Variants in ACSF3 observed in about 807,000 individuals in gnomAD.
The protein encoded by ACSF3 is malonate--CoA ligase ACSF3, mitochondrial.
In ACSF3, 78 loss-of-function variants were observed where a neutral mutation model predicts 53.2. The ratio of observed to expected loss-of-function variants is 1.47; its 90% CI spans 1.22 to 1.77. ACSF3 has a LOEUF of 1.77. ACSF3 is among the 40% of genes most tolerant of loss of function. ACSF3 has a pLI of 0.00. For synonymous variants in ACSF3, 414 were observed against 333.1 expected (o/e 1.24, Z -2.65); for missense variants, 937 against 771.1 (o/e 1.22, Z -2.55).
chr16:89,106,612 A>T (rs1405460304), intron 4 of ACSF3, among the ~76,000 whole-genome samples: 2 of 152,212 alleles, frequency 1.3e-5, no homozygotes, highest in African/African-American at 4.8e-5. Context: ...TATTTAAACA[A>T]ATTTGATGCT....
chr16:89,105,826 G>A (rs564972677), intron 4 of ACSF3, among the ~76,000 whole-genome samples: 3 of 152,094 alleles, frequency 2.0e-5, no homozygotes, highest in Admixed American at 1.3e-4. Context: ...TGGTTCCATC[G>A]TCCCGGAGGG....
chr16:89,123,447 G>A (rs537642511), intron 7 of ACSF3, among the ~76,000 whole-genome samples: 3 of 152,170 alleles, frequency 2.0e-5, no homozygotes, highest in South Asian at 2.1e-4. Context: ...CCCAGAACCC[G>A]AGGGTGCCCC....
chr16:89,123,782 A>G lies in ACSF3; in HGVS notation c.1239+2869A>G, dbSNP rs149184463. On this transcript the variant is annotated intron_variant, in intron 7 of 10. Transcript: ENST00000614302. ...CCTTCCCAGGATCATCCCCGGGGCC[A>G]GAGTATCTGGACCCTCCCCAGGTGG... Among the ~76,000 whole-genome samples, 770 of 152,268 alleles carry G rather than the reference A, an allele frequency of 5.1e-3. 10 individuals are homozygous for G. Among genetic ancestry groups the G allele is most frequent in the African/African-American group, 0.018 (729 of 41,542 alleles).
chr16:89,127,557 G>T (rs1908397363), intron 7 of ACSF3, among the ~76,000 whole-genome samples: 1 of 151,950 alleles, frequency 6.6e-6, no homozygotes, highest in Non-Finnish European at 1.5e-5. Context: ...GTAGAGTTGG[G>T]GGTCTCACTA....
chr16:89,111,545 G>A (rs1212502045), intron 4 of ACSF3, among the ~76,000 whole-genome samples: 3 of 152,376 alleles, frequency 2.0e-5, no homozygotes, highest in East Asian at 1.9e-4. Context: ...GAAGGAATGC[G>A]GCTCACCAGC....
intron 7 of ACSF3, among the ~76,000 whole-genome samples, chr16:89,123,718 C>T (rs887057233): frequency 3.3e-5 from 5 of 152,280 alleles, no homozygotes; most frequent in Admixed American, 3.3e-4. Context: ...ACAGAAAGTA[C>T]CTGCAGAAAG....
At chr16:89,143,682 C>T (rs1317160071) in intron 8 of ACSF3, among the ~76,000 whole-genome samples, 1 of 152,198 alleles carries the variant, frequency 6.6e-6, no homozygotes, top group African/African-American at 2.4e-5. Flanking sequence ...TGCACACCCC[C>T]TTCCAGCCGC....
intron 1 of ACSF3, among the ~76,000 whole-genome samples, chr16:89,095,560 A>G (rs1265174675): frequency 1.6e-5 from 2 of 126,652 alleles, no homozygotes; most frequent in African/African-American, 6.1e-5. Flanking sequence ...GGGGCAGCCG[A>G]CAGGAGGAAG....
At chr16:89,101,804 C>T (rs903645862) in intron 3 of ACSF3, among the ~76,000 whole-genome samples, 5 of 152,240 alleles carry the variant, frequency 3.3e-5, no homozygotes, top group Non-Finnish European at 5.9e-5. Context: ...AGTGTCATAA[C>T]GTCTCCTATG....
chr16:89,154,775 G>A lies in ACSF3; in HGVS notation c.*568G>A. The stretch of plus-strand genomic sequence containing the variant: ...TTCCTGGTGCTGCTCTTGGAGGAGA[G>A]CAGCTCCCACTGTGGGGACACCTGC... On this transcript the variant is annotated 3_prime_UTR_variant, in exon 11 of 11. Transcript: ENST00000614302. 2.2e-6 allele frequency: 1 copy of A among 454,164 alleles called. No homozygotes were observed. The highest frequency in any genetic ancestry group is 1.6e-5 in the South Asian group (1 of 64,478). The allele number at this position is 454,164 out of a possible 1,614,324, so 28.1% of individuals were successfully genotyped here.
intron 7 of ACSF3, among the ~76,000 whole-genome samples, chr16:89,125,892 G>A (rs867898178): frequency 4.7e-5 from 7 of 149,386 alleles, no homozygotes; most frequent in South Asian, 2.2e-4. Context: ...GTGTCTCTCC[G>A]TTTACTTAGA....
At chr16:89,139,074 C>T (rs1201220813) in intron 8 of ACSF3, among the ~76,000 whole-genome samples, 4 of 152,364 alleles carry the variant, frequency 2.6e-5, no homozygotes, top group Middle Eastern at 3.4e-3. Context: ...GAGGCCCCTC[C>T]TCAGGCACGG....
chr16:89,102,791 C>G (rs1206778845), intron 4 of ACSF3, 32 bp downstream of exon 4: 1 of 1,579,168 alleles, frequency 6.3e-7, no homozygotes. Context: ...CGGTTGCACC[C>G]TCAGACTAGG....
chr16:89,108,427 G>T (rs1164248728), intron 4 of ACSF3, among the ~76,000 whole-genome samples: 1 of 152,158 alleles, frequency 6.6e-6, no homozygotes, highest in South Asian at 2.1e-4. Context: ...CACTGAAAAT[G>T]TTTTTATTGC....
In ACSF3 at chr16:89,111,423, G is replaced by C. The variant is rs142407255; in HGVS notation, c.823-669G>C. Among the ~76,000 whole-genome samples the C allele has an allele frequency of 2.5e-3, 388 of 152,344 alleles. 2 individuals are homozygous for C. Among genetic ancestry groups the C allele is most frequent in the African/African-American group, 9.0e-3 (374 of 41,580 alleles). On this transcript the variant is annotated intron_variant, in intron 4 of 10. Transcript: ENST00000614302. The stretch of plus-strand genomic sequence containing the variant: ...ACGCCGTGTGGGCGAGATCTGTCCT[G>C]TGTGTCCTGGGCCTCCCTTAGGTGC...
chr16:89,154,775 G>GA lies in ACSF3; in HGVS notation c.*568_*569insA. On this transcript the variant is annotated 3_prime_UTR_variant, in exon 11 of 11. Coordinates refer to ENST00000614302, the MANE Select transcript of ACSF3 (RefSeq NM_001243279.3). ...TTCCTGGTGCTGCTCTTGGAGGAGA[G>GA]CAGCTCCCACTGTGGGGACACCTGC... is the stretch of plus-strand genomic sequence containing the variant. The GA allele has an allele frequency of 4.4e-6, 2 of 454,164 alleles. No homozygotes were observed. The highest frequency in any genetic ancestry group is 6.9e-5 in the East Asian group (1 of 14,394). 28.1% of individuals were successfully genotyped at this position (454,164 alleles called of 1,614,324 possible). A position where few individuals can be genotyped will look rare whatever the true frequency, so the allele number is the denominator to read the frequency against.
chr16:89,132,671 C>T (rs1300943024), intron 7 of ACSF3, among the ~76,000 whole-genome samples: 1 of 152,254 alleles, frequency 6.6e-6, no homozygotes, highest in Non-Finnish European at 1.5e-5. Flanking sequence ...TCCAAGCTGC[C>T]CCAGCCCCTG....
chr16:89,133,618 G>A (rs1185328883), intron 8 of ACSF3, among the ~76,000 whole-genome samples: 1 of 152,170 alleles, frequency 6.6e-6, no homozygotes, highest in African/African-American at 2.4e-5. Flanking sequence ...GCTGCCCCTC[G>A]TGGGCTGGGG....
chr16:89,140,037 C>T (rs1911441126), intron 8 of ACSF3, among the ~76,000 whole-genome samples: 1 of 152,220 alleles, frequency 6.6e-6, no homozygotes, highest in African/African-American at 2.4e-5. Context: ...GGGTCTCAGG[C>T]CGTCACTGGG....
Sources: gnomAD v4.1 joint callset for allele counts (sites outside exome capture counted in the v4.1 genomes callset) on GRCh38, gnomAD v4.1.1 for gene constraint, MANE v1.5 for transcripts, NCBI Gene and HGNC (gene_info 2026-07-23, HGNC 2026-07-21) for gene names.